The following SUMF1 variants were observed in gnomAD, a reference collection of about 807,000 sequenced individuals.
SUMF1 encodes the protein sulfatase modifying factor 1.
Under a neutral mutation model 47.6 loss-of-function variants are expected in SUMF1, and 48 were observed. The ratio of observed to expected loss-of-function variants is 1.01; its 90% confidence interval spans 0.80 to 1.28. The LOEUF is 1.28. Ranked by LOEUF, SUMF1 falls within the 50% of genes most tolerant of loss-of-function variation. SUMF1 has a pLI of 0.00. For synonymous variants in SUMF1, 230 were observed against 192.1 expected (o/e 1.20, Z -1.63); for missense variants, 571 against 485.4 (o/e 1.18, Z -1.66).
chr3:4,382,821 C>CT (rs1406264520), intron 7 of SUMF1, among the ~76,000 whole-genome samples: 1 of 152,078 alleles, frequency 6.6e-6, no homozygotes, highest in Non-Finnish European at 1.5e-5. Context: ...AACAATAGAA[C>CT]AGAAAACCAA....
intron 8 of SUMF1, among the ~76,000 whole-genome samples, chr3:4,147,272 C>A (rs1006336004): frequency 6.6e-6 from 1 of 152,048 alleles, no homozygotes; most frequent in African/African-American, 2.4e-5. Flanking sequence ...CCTCAGGGAT[C>A]TAGAACTAGA....
intron 8 of SUMF1, among the ~76,000 whole-genome samples, chr3:4,232,275 A>T (rs1277756604): frequency 6.6e-6 from 1 of 152,124 alleles, no homozygotes; most frequent in Non-Finnish European, 1.5e-5. Context: ...TGAGGGAAAG[A>T]CAGCAAGCAC....
At chr3:4,304,455 T>C (rs1163394554) in intron 8 of SUMF1, among the ~76,000 whole-genome samples, 1 of 152,216 alleles carries the variant, frequency 6.6e-6, no homozygotes, top group Non-Finnish European at 1.5e-5. Context: ...CTGACTTTCT[T>C]ATCCCTCCGA....
At chr3:4,127,708 T>C (rs1475267178) in intron 8 of SUMF1, among the ~76,000 whole-genome samples, 2 of 152,120 alleles carry the variant, frequency 1.3e-5, no homozygotes, top group African/African-American at 4.8e-5. Context: ...ATTCCATTAG[T>C]TCTGTTCCCC....
intron 8 of SUMF1, among the ~76,000 whole-genome samples, chr3:4,157,748 C>A (rs998095089): frequency 6.6e-6 from 1 of 151,488 alleles, no homozygotes; most frequent in African/African-American, 2.4e-5. Flanking sequence ...TAAGTTCTTC[C>A]CACAGAAATG....
At chr3:4,250,208 G>A (rs892289088) in intron 8 of SUMF1, among the ~76,000 whole-genome samples, 1 of 145,804 alleles carries the variant, frequency 6.9e-6, no homozygotes, top group Non-Finnish European at 1.5e-5. Flanking sequence ...TGAAGGGAGA[G>A]AAAAGAAAGG....
chr3:4,235,955 T>A (rs1432089544), intron 8 of SUMF1, among the ~76,000 whole-genome samples: 1 of 152,030 alleles, frequency 6.6e-6, no homozygotes, highest in Non-Finnish European at 1.5e-5. Flanking sequence ...GTACAATAAT[T>A]TTTTTGAGAC....
intron 8 of SUMF1, among the ~76,000 whole-genome samples, chr3:4,351,600 T>G (rs1216704170): frequency 6.6e-6 from 1 of 152,190 alleles, no homozygotes; most frequent in Non-Finnish European, 1.5e-5. Flanking sequence ...ATGAATGTGT[T>G]CCATGCACCC....
chr3:4,423,964 A>G (rs1701988803), intron 3 of SUMF1, among the ~76,000 whole-genome samples: 1 of 152,204 alleles, frequency 6.6e-6, no homozygotes, highest in Admixed American at 6.5e-5. Flanking sequence ...AGCTGATACC[A>G]GAGCTACGTT....
At chr3:4,358,476 T>C (rs1699671726), downstream of SUMF1, among the ~76,000 whole-genome samples, 2 of 152,154 alleles carry the variant, frequency 1.3e-5, no homozygotes, top group South Asian at 4.1e-4. Context: ...AAGTGATTAA[T>C]AAACAGAGAA....
At chr3:4,248,945 C>G (rs1189385668) in intron 8 of SUMF1, among the ~76,000 whole-genome samples, 3 of 152,176 alleles carry the variant, frequency 2.0e-5, no homozygotes, top group Non-Finnish European at 4.4e-5. Context: ...ATCAAGAACA[C>G]AAACAGACCA....
At chr3:4,206,832 T>A (rs1010101361) in intron 8 of SUMF1, among the ~76,000 whole-genome samples, 6 of 152,076 alleles carry the variant, frequency 3.9e-5, no homozygotes, top group Admixed American at 2.0e-4. Context: ...ATTTTGTTTA[T>A]TCTAGGTACT....
chr3:4,316,318 T>C, intron 8 of SUMF1: 1 of 1,235,214 alleles, frequency 8.1e-7, no homozygotes, highest in Middle Eastern at 2.6e-4. Context: ...AACAATGCAT[T>C]TGGCCCAGGA....
chr3:4,456,722 A>G, intron 1 of SUMF1, among the ~76,000 whole-genome samples: 1 of 130,064 alleles, frequency 7.7e-6, no homozygotes, highest in African/African-American at 3.0e-5. Context: ...ATATACATAT[A>G]TATACGTGTG....
At chr3:4,199,742 C>T (rs964016058) in intron 8 of SUMF1, among the ~76,000 whole-genome samples, 2 of 152,028 alleles carry the variant, frequency 1.3e-5, no homozygotes, top group Admixed American at 6.6e-5. Context: ...AACATTGTTT[C>T]ATGTGCTTAT....
chr3:4,281,276 A>G (rs1697524115), intron 8 of SUMF1, among the ~76,000 whole-genome samples: 1 of 152,152 alleles, frequency 6.6e-6, no homozygotes. Flanking sequence ...ATTACAGACA[A>G]GGAGACTCTT....
At chr3:4,297,771 G>T (rs1274169499) in intron 8 of SUMF1, among the ~76,000 whole-genome samples, 1 of 151,988 alleles carries the variant, frequency 6.6e-6, no homozygotes, top group Non-Finnish European at 1.5e-5. Flanking sequence ...AGTAATTTCT[G>T]CTGACTTTCC....
intron 8 of SUMF1, among the ~76,000 whole-genome samples, chr3:4,151,543 ATG>A (rs1491472314): frequency 5.1e-5 from 6 of 116,710 alleles, no homozygotes; most frequent in Non-Finnish European, 1.1e-4. Context: ...GTGTATATAT[ATG>A]TGTGTGTATA....
chr3:4,432,081 G>C (rs1702251135), intron 3 of SUMF1, among the ~76,000 whole-genome samples: 1 of 151,906 alleles, frequency 6.6e-6, no homozygotes, highest in South Asian at 2.1e-4. Flanking sequence ...GGATCAGATG[G>C]AATAGATCAA....
Sources: allele counts gnomAD v4.1 joint callset (sites outside exome capture counted in the v4.1 genomes callset), GRCh38; gene constraint gnomAD v4.1.1; transcripts MANE v1.5; gene names NCBI Gene and HGNC (gene_info 2026-07-23, HGNC 2026-07-21).